Variants in FNDC3B observed in about 807,000 individuals in gnomAD.
The protein encoded by FNDC3B is fibronectin type III domain containing 3B.
Under a neutral mutation model 151.5 loss-of-function variants are expected in FNDC3B, and 12 were observed. The ratio of observed to expected loss-of-function variants is 0.08; its 90% CI spans 0.05 to 0.13. FNDC3B has a LOEUF of 0.13. FNDC3B is among the 10% of genes least tolerant of loss of function. The pLI is 1.00. For synonymous variants in FNDC3B, 528 were observed against 549.0 expected, an observed-to-expected ratio of 0.96 and a Z score of 0.54; for missense variants, 1,214 against 1,505.3, an observed-to-expected ratio of 0.81 and a Z score of 3.20.
At chr3:172,348,405 G>T (rs544055212) in intron 21 of FNDC3B, among the ~76,000 whole-genome samples, 1 of 152,240 alleles carries the variant, frequency 6.6e-6, no homozygotes, top group South Asian at 2.1e-4. Flanking sequence ...CACCTTTCTT[G>T]CTTCTCGAAT....
At chr3:172,349,725 G>A (rs1269463120) in intron 21 of FNDC3B, among the ~76,000 whole-genome samples, 1 of 151,994 alleles carries the variant, frequency 6.6e-6, no homozygotes, top group Non-Finnish European at 1.5e-5. Context: ...GCGCGATCTT[G>A]GCTCACTGCA....
At chr3:172,080,456 T>TC (rs1718226178) in intron 1 of FNDC3B, among the ~76,000 whole-genome samples, 2 of 151,924 alleles carry the variant, frequency 1.3e-5, no homozygotes, top group South Asian at 2.1e-4. Flanking sequence ...TTTTTTTTTT[T>TC]CTAGAGATGA....
At position 172,352,692 on chromosome 3, in the gene FNDC3B, C is replaced by T. The variant is rs1330457172; in HGVS notation, c.2515-111C>T. The stretch of plus-strand genomic sequence containing the variant: ...ATTTTCTAGGATTTATTTCTACCTG[C>T]ATATGTGGAAATGTGTACTACTTTA... On this transcript the variant is annotated intron_variant, in intron 21 of 25. Transcript: ENST00000415807. The surrounding 1 kb of genome is among the most constrained non-coding windows in gnomAD (Gnocchi z 4.2). 78 of 1,043,070 alleles carry T rather than the reference C, an allele frequency of 7.5e-5. No individual in the cohort carries two copies. Among genetic ancestry groups the T allele is most frequent in the East Asian group, 2.4e-5 (1 of 41,108 alleles). 64.6% of individuals were successfully genotyped at this position (1,043,070 alleles called of 1,614,324 possible). A position where few individuals can be genotyped will look rare whatever the true frequency, so the allele number is the denominator to read the frequency against.
At chr3:172,046,198 C>T (rs906416833) in intron 1 of FNDC3B, among the ~76,000 whole-genome samples, 1 of 152,056 alleles carries the variant, frequency 6.6e-6, no homozygotes, top group African/African-American at 2.4e-5. Flanking sequence ...GAAAATGGAT[C>T]GATTGTTGAA....
rs556186827 is a variant in FNDC3B at position 172,269,941 on chromosome 3, G to A, written c.791-15985G>A. The stretch of plus-strand genomic sequence containing the variant: ...GGATTACAGGCGTGAGCCACCGCAC[G>A]CGGCCTAAATCTGTGCTTTTTTATA... On this transcript the variant is annotated intron_variant, in intron 6 of 25. Transcript: ENST00000415807. 1.8e-3 allele frequency among the ~76,000 whole-genome samples: 272 copies of A among 152,244 alleles called. 2 individuals carry two copies. Among genetic ancestry groups the A allele is most frequent in the Non-Finnish European group, 2.6e-3 (174 of 68,004 alleles).
Position 172,343,065 on chromosome 3 carries a change from C to A in FNDC3B, c.2026C>A (p.Pro676Thr). 1 of 1,613,556 alleles carries A rather than the reference C, an allele frequency of 6.2e-7. No individual in the cohort carries two copies. The highest frequency in any genetic ancestry group is 1.6e-4 in the Middle Eastern group (1 of 6,062). The change falls in exon 18 of 26, where the codon CCA becomes ACA. Residue 676 changes from proline (P) to threonine (T), a missense_variant. By Grantham distance (38) the Pro-to-Thr change is conservative. Transcript: ENST00000415807. The stretch of plus-strand genomic sequence containing the variant: ...AAGCATTGCACCAGGTCAATGTCGA[C>A]CACCGAGGGTTTTGGGTAGACCAAA... Reference protein sequence around the residue: ...TLSIAPGQCRPPRVLGRPKHK... With the variant: ...TLSIAPGQCRTPRVLGRPKHK...
At chr3:172,250,961 C>T (rs548648756) in intron 5 of FNDC3B, among the ~76,000 whole-genome samples, 5 of 152,212 alleles carry the variant, frequency 3.3e-5, no homozygotes, top group African/African-American at 9.6e-5. Flanking sequence ...GGATTATAGG[C>T]GCCTACCACC....
chr3:172,104,395 A>C (rs893999290), intron 1 of FNDC3B, among the ~76,000 whole-genome samples: 1 of 151,298 alleles, frequency 6.6e-6, no homozygotes, highest in African/African-American at 2.4e-5. Context: ...GAGCCTGTCC[A>C]CTATAGTTTT....
At chr3:172,272,830 A>T (rs1560051107) in intron 6 of FNDC3B, among the ~76,000 whole-genome samples, 7 of 152,196 alleles carry the variant, frequency 4.6e-5, no homozygotes, top group Non-Finnish European at 8.8e-5. Context: ...ACTAGTGTAA[A>T]ATGAAATTTG....
intron 1 of FNDC3B, among the ~76,000 whole-genome samples, chr3:172,062,928 C>G (rs534516326): frequency 6.6e-6 from 1 of 152,250 alleles, no homozygotes; most frequent in African/African-American, 2.4e-5. Flanking sequence ...AATAGTGTCT[C>G]TCTTTAAAGC....
In FNDC3B at chr3:172,080,443, A is replaced by AATT. The variant is rs5854458; in HGVS notation, c.-28-32009_-28-32008insATT. Among the ~76,000 whole-genome samples the AATT allele has an allele frequency of 1.4e-3, 211 of 149,182 alleles. No homozygotes were observed. The East Asian group carries it at 0.015, about 11-fold the overall frequency. On this transcript the variant is annotated intron_variant, in intron 1 of 25. Transcript: ENST00000415807. ...GTATTACCATGCCTGGCTAATTTAAATTTTTTTTTTTTTCTAGAGATGAAG... is the reference window on the plus strand; with the variant it reads ...GTATTACCATGCCTGGCTAATTTAAAATTTTTTTTTTTTTTTCTAGAGATGAAG...
chr3:172,161,897 T>C (rs543254393), intron 3 of FNDC3B, among the ~76,000 whole-genome samples: 57 of 152,152 alleles, frequency 3.7e-4, no homozygotes, highest in African/African-American at 1.3e-3. Context: ...CTTCTATCTT[T>C]AGAGAGTTGC....
At chr3:172,380,569 C>A (rs947773283) in intron 24 of FNDC3B, among the ~76,000 whole-genome samples, 3 of 152,098 alleles carry the variant, frequency 2.0e-5, no homozygotes, top group Non-Finnish European at 4.4e-5. Flanking sequence ...CGTCTCATAC[C>A]TTGCTCTCCC....
At chr3:172,324,318 A>T (rs1314648020) in intron 11 of FNDC3B, among the ~76,000 whole-genome samples, 1 of 152,060 alleles carries the variant, frequency 6.6e-6, no homozygotes, top group Admixed American at 6.5e-5. Flanking sequence ...GGTAGACAAA[A>T]CACCCTCGTC....
At chr3:172,392,660 G>A (rs571592370) in intron 25 of FNDC3B, among the ~76,000 whole-genome samples, 4 of 152,130 alleles carry the variant, frequency 2.6e-5, no homozygotes, top group Admixed American at 2.0e-4. Flanking sequence ...GTAGATTCCC[G>A]CTAACTGAAT....
chr3:172,133,615 C>T (rs1335344715), intron 3 of FNDC3B, 69 bp downstream of exon 3: 1 of 1,040,766 alleles, frequency 9.6e-7, no homozygotes, highest in African/African-American at 1.6e-5. Context: ...TAATGTTTTT[C>T]TGTGTGTGTC....
At chr3:172,326,032 G>A (rs1483651212) in intron 11 of FNDC3B, among the ~76,000 whole-genome samples, 4 of 152,088 alleles carry the variant, frequency 2.6e-5, no homozygotes, top group Non-Finnish European at 4.4e-5. Context: ...CACCATGTTG[G>A]CCAGGCTGGT....
At chr3:172,290,859 T>A (rs1467044948) in intron 7 of FNDC3B, among the ~76,000 whole-genome samples, 2 of 152,232 alleles carry the variant, frequency 1.3e-5, no homozygotes, top group African/African-American at 4.8e-5. Flanking sequence ...CTCATGATGA[T>A]CCTTTAGAAG....
At chr3:172,285,179 C>T (rs1287978232) in intron 6 of FNDC3B, among the ~76,000 whole-genome samples, 6 of 152,108 alleles carry the variant, frequency 3.9e-5, no homozygotes, top group Admixed American at 6.6e-5. Flanking sequence ...TGGTGTGTCA[C>T]GTTTCCTCAC....
Sources: allele counts gnomAD v4.1 joint callset (sites outside exome capture counted in the v4.1 genomes callset), GRCh38; gene constraint gnomAD v4.1.1; non-coding constraint Gnocchi (gnomAD v3.1); transcripts MANE v1.5; gene names NCBI Gene and HGNC (gene_info 2026-07-23, HGNC 2026-07-21).